SLCO1B1: variants seen among roughly 807,000 people sequenced by gnomAD.
SLCO1B1 encodes solute carrier organic anion transporter family member 1B1.
Under a neutral mutation model 70.1 loss-of-function variants are expected in SLCO1B1, and 81 were observed. The ratio of observed to expected loss-of-function variants is 1.16; its 90% confidence interval spans 0.97 to 1.39. The LOEUF (loss-of-function observed/expected upper bound fraction) is 1.39, where lower values mean the gene tolerates loss of function less well. SLCO1B1 is among the 40% of genes most tolerant of loss of function. The pLI, the probability that SLCO1B1 is intolerant of heterozygous loss-of-function variation, is 0.00. For missense variants in SLCO1B1, 895 were observed against 799.6 expected (o/e 1.12, Z -1.44); for synonymous variants, 283 against 271.5 (o/e 1.04, Z -0.42).
chr12:21,194,615 T>G (rs1941070969), intron 7 of SLCO1B1, among the ~76,000 whole-genome samples: 1 of 152,166 alleles, frequency 6.6e-6, no homozygotes, highest in South Asian at 2.1e-4. Flanking sequence ...CTTCATTTTC[T>G]TATCTTCTTC....
chr12:21,167,530 A>G (rs1940700953), intron 2 of SLCO1B1, among the ~76,000 whole-genome samples: 1 of 152,112 alleles, frequency 6.6e-6, no homozygotes, highest in Non-Finnish European at 1.5e-5. Context: ...GCAGGAGACC[A>G]CTCACATTAC....
intron 2 of SLCO1B1, among the ~76,000 whole-genome samples, chr12:21,165,555 A>G (rs183321569): frequency 6.6e-6 from 1 of 152,180 alleles, no homozygotes. Context: ...ATTTACAAGA[A>G]GTTGTTATGG....
At chr12:21,199,497 C>G (rs976980505) in intron 8 of SLCO1B1, among the ~76,000 whole-genome samples, 3 of 152,190 alleles carry the variant, frequency 2.0e-5, no homozygotes, top group Admixed American at 2.0e-4. Flanking sequence ...CCCCTGGCTG[C>G]TTTCCTTGTA....
chr12:21,139,244 A>G (rs1202800656), intron 1 of SLCO1B1, among the ~76,000 whole-genome samples: 2 of 152,142 alleles, frequency 1.3e-5, no homozygotes, highest in South Asian at 2.1e-4. Flanking sequence ...ATAGAAACAG[A>G]TATTCATGGA....
chr12:21,173,489 C>A (rs12582669), intron 3 of SLCO1B1, among the ~76,000 whole-genome samples: 1 of 151,396 alleles, frequency 6.6e-6, no homozygotes, highest in Non-Finnish European at 1.5e-5. Flanking sequence ...ATATTAAGTT[C>A]TAATTTGTAT....
intron 2 of SLCO1B1, chr12:21,164,748 C>G (rs1193577604): frequency 4.4e-6 from 2 of 454,888 alleles, no homozygotes; most frequent in Non-Finnish European, 8.8e-6. Context: ...TCTTCAATAT[C>G]TAAGCTTCTA....
chr12:21,225,846 T>C (rs1264493440), intron 14 of SLCO1B1, among the ~76,000 whole-genome samples: 5 of 152,206 alleles, frequency 3.3e-5, no homozygotes, highest in Non-Finnish European at 7.3e-5. Flanking sequence ...TGGAAGTTTC[T>C]TACAAAGAAA....
chr12:21,144,105 T>C (rs1487866676), intron 2 of SLCO1B1, among the ~76,000 whole-genome samples: 1 of 152,124 alleles, frequency 6.6e-6, no homozygotes, highest in Non-Finnish European at 1.5e-5. Flanking sequence ...ATTACACTTG[T>C]CATTTCTTCT....
chr12:21,175,122 A>T (rs763257650), intron 4 of SLCO1B1, among the ~76,000 whole-genome samples: 1 of 152,160 alleles, frequency 6.6e-6, no homozygotes, highest in Non-Finnish European at 1.5e-5. Flanking sequence ...TTACAGTCAG[A>T]TGCTCCTGAG....
intron 14 of SLCO1B1, among the ~76,000 whole-genome samples, chr12:21,231,730 A>G (rs1476615115): frequency 6.6e-6 from 1 of 151,998 alleles, no homozygotes; most frequent in Non-Finnish European, 1.5e-5. Context: ...ATATATGTGT[A>G]TGTATATATA....
At chr12:21,192,919 G>A (rs953692315) in intron 7 of SLCO1B1, among the ~76,000 whole-genome samples, 14 of 151,806 alleles carry the variant, frequency 9.2e-5, no homozygotes, top group East Asian at 5.8e-4. Context: ...GATTCTCTTC[G>A]TATCTAAATA....
intron 2 of SLCO1B1, among the ~76,000 whole-genome samples, chr12:21,169,988 G>C (rs1334293816): frequency 6.6e-6 from 1 of 152,044 alleles, no homozygotes; most frequent in Non-Finnish European, 1.5e-5. Context: ...TGTTTGAAAA[G>C]GTTTGTTGGT....
chr12:21,133,766 T>A (rs1380938252), intron 1 of SLCO1B1, among the ~76,000 whole-genome samples: 1 of 152,194 alleles, frequency 6.6e-6, no homozygotes, highest in African/African-American at 2.4e-5. Context: ...TATACAATCA[T>A]GTGATCTGCA....
At chr12:21,158,016 T>C (rs1333042226) in intron 2 of SLCO1B1, among the ~76,000 whole-genome samples, 1 of 152,222 alleles carries the variant, frequency 6.6e-6, no homozygotes, top group African/African-American at 2.4e-5. Flanking sequence ...TGAAATAGTT[T>C]TGAATTTCAA....
chr12:21,194,056 G>A (rs1005934018), intron 7 of SLCO1B1, among the ~76,000 whole-genome samples: 1 of 152,186 alleles, frequency 6.6e-6, no homozygotes, highest in Non-Finnish European at 1.5e-5. Flanking sequence ...CTCCCAAAGT[G>A]CTGGGATTAC....
chr12:21,146,693 A>G (rs929437356), intron 2 of SLCO1B1, among the ~76,000 whole-genome samples: 1 of 152,032 alleles, frequency 6.6e-6, no homozygotes, highest in Non-Finnish European at 1.5e-5. Flanking sequence ...CTTTTGACTC[A>G]TAAGTTACTT....
intron 4 of SLCO1B1, among the ~76,000 whole-genome samples, 174 bp downstream of exon 4, chr12:21,174,883 T>C (rs2121101576): frequency 6.6e-6 from 1 of 152,312 alleles, no homozygotes. Flanking sequence ...TTATTTATCG[T>C]AGCTTTCATA....
At chr12:21,179,548 T>C (rs1462265643) in intron 7 of SLCO1B1, among the ~76,000 whole-genome samples, 1 of 152,198 alleles carries the variant, frequency 6.6e-6, no homozygotes, top group African/African-American at 2.4e-5. Context: ...GACACATAAA[T>C]AAAATCTATG....
intron 3 of SLCO1B1, among the ~76,000 whole-genome samples, chr12:21,174,009 A>G (rs1940788625): frequency 6.6e-6 from 1 of 151,988 alleles, no homozygotes; most frequent in South Asian, 2.1e-4. Flanking sequence ...CACCCACCTC[A>G]GCCTCCTAAA....
Sources: gnomAD v4.1 joint callset for allele counts (sites outside exome capture counted in the v4.1 genomes callset) on GRCh38, gnomAD v4.1.1 for gene constraint, MANE v1.5 for transcripts, NCBI Gene and HGNC (gene_info 2026-07-23, HGNC 2026-07-21) for gene names.